Variants in DNAAF9 observed in about 807,000 individuals in gnomAD.
The protein encoded by DNAAF9 is dynein axonemal assembly factor 9.
DNAAF9 carries 90 observed loss-of-function variants against 167.0 expected under a neutral mutation model. The ratio of observed to expected loss-of-function variants is 0.54; its 90% CI spans 0.45 to 0.64. The LOEUF (loss-of-function observed/expected upper bound fraction) is 0.64. Ranked by LOEUF, DNAAF9 falls within the 30% of genes least tolerant of loss-of-function variation. The pLI is 0.00. For missense variants in DNAAF9, 1,315 were observed against 1,442.2 expected (o/e 0.91, Z 1.43); for synonymous variants, 491 against 508.8 (o/e 0.96, Z 0.47).
intron 32 of DNAAF9, 77 bp from the exon 33 acceptor site, chr20:3,259,631 T>C: frequency 9.8e-7 from 1 of 1,022,712 alleles, no homozygotes; most frequent in East Asian, 2.4e-5. Context: ...CTGGGAGTTT[T>C]AGGGACTGGG....
chr20:3,353,879 A>C (rs147763363), intron 7 of DNAAF9, among the ~76,000 whole-genome samples: 2 of 152,212 alleles, frequency 1.3e-5, no homozygotes, highest in East Asian at 3.9e-4. Context: ...TTTGTTACCC[A>C]AAAAACCACC....
chr20:3,287,818 T>C (rs1180747598), intron 26 of DNAAF9, 28 bp from the exon 27 acceptor site: 15 of 1,610,334 alleles, frequency 9.3e-6, no homozygotes, highest in South Asian at 8.8e-5. Flanking sequence ...AACCTCTGCA[T>C]GGGGGCCACC....
chr20:3,361,350 A>C (rs907963566), intron 6 of DNAAF9, among the ~76,000 whole-genome samples: 2 of 151,536 alleles, frequency 1.3e-5, no homozygotes, highest in African/African-American at 4.8e-5. Context: ...TGGAAGGGGC[A>C]TCATTTAAGA....
chr20:3,381,020 T>G (rs2083643077), intron 3 of DNAAF9, among the ~76,000 whole-genome samples: 1 of 152,216 alleles, frequency 6.6e-6, no homozygotes, highest in South Asian at 2.1e-4. Context: ...GGCCCATCCT[T>G]ACCTCACAAC....
chr20:3,373,927 C>G (rs891333103), intron 6 of DNAAF9, 121 bp downstream of exon 6: 2 of 644,102 alleles, frequency 3.1e-6, no homozygotes, highest in Non-Finnish European at 5.6e-6. Context: ...CTAACTTGCT[C>G]CATGCCCTTG....
intron 31 of DNAAF9, among the ~76,000 whole-genome samples, chr20:3,261,683 A>G (rs1045890820): frequency 1.3e-5 from 2 of 151,716 alleles, no homozygotes; most frequent in African/African-American, 4.9e-5. Flanking sequence ...CTTTATTTTA[A>G]AACAGCACTG....
At chr20:3,303,746 G>A (rs6139068) in intron 21 of DNAAF9, among the ~76,000 whole-genome samples, 29,353 of 152,226 alleles carry the variant, frequency 0.19, 3,069 homozygotes, top group African/African-American at 0.24. Context: ...GCAGAGTGGT[G>A]GGCCTGCCCT....
chr20:3,339,298 G>A (rs1423385413), intron 10 of DNAAF9, among the ~76,000 whole-genome samples: 3 of 152,070 alleles, frequency 2.0e-5, no homozygotes, highest in Admixed American at 6.6e-5. Flanking sequence ...TCTGATAGTC[G>A]CACTGTCTCT....
At chr20:3,255,163 G>T (rs2068256037) in intron 35 of DNAAF9, 56 bp downstream of exon 35, 2 of 1,078,886 alleles carry the variant, frequency 1.9e-6, no homozygotes, top group Admixed American at 2.0e-5. Flanking sequence ...ACAGAGCTAG[G>T]CAAGCCGAGG....
chr20:3,296,194 A>T, intron 23 of DNAAF9: 1 of 551,152 alleles, frequency 1.8e-6, no homozygotes. Context: ...ACCTGAGCCT[A>T]GGAGGTCAAG....
At chr20:3,332,620 A>ATTT (rs59726740) in intron 10 of DNAAF9, among the ~76,000 whole-genome samples, 1 of 141,480 alleles carries the variant, frequency 7.1e-6, no homozygotes, top group African/African-American at 2.6e-5. Context: ...CACCCAGCTA[A>ATTT]TTTTTTTTTT....
Position 3,287,676 on chromosome 20 carries a change from T to C in DNAAF9, c.2442A>G (p.Ser814=). ...EAQQNRSARQ[S]AYIRKKTRLL... ...GTCTGGTCTTCTTGCGGATGTAGGC[T>C]GACTGGCGCGCAGAGCGGTTCTGCT... The change falls in exon 27 of 37, where the codon TCA becomes TCG. Residue 814 remains serine, a synonymous_variant. Transcript: ENST00000252032. The C allele has an allele frequency of 6.2e-7, 1 of 1,614,242 alleles. No homozygotes were observed. The highest frequency in any genetic ancestry group is 8.5e-7 in the Non-Finnish European group (1 of 1,180,046).
At chr20:3,392,565 A>T (rs372059632) in intron 1 of DNAAF9, among the ~76,000 whole-genome samples, 15 of 152,212 alleles carry the variant, frequency 9.9e-5, no homozygotes, top group East Asian at 5.8e-4. Flanking sequence ...TTTCCTGACA[A>T]TAAAGCCAGT....
At chr20:3,327,773 C>T (rs1270255230) in intron 12 of DNAAF9, among the ~76,000 whole-genome samples, 2 of 152,196 alleles carry the variant, frequency 1.3e-5, no homozygotes, top group Admixed American at 6.5e-5. Flanking sequence ...TTCCACTGTG[C>T]CACATCACAT....
chr20:3,385,465 T>A (rs1428539274), intron 1 of DNAAF9, among the ~76,000 whole-genome samples: 1 of 152,166 alleles, frequency 6.6e-6, no homozygotes, highest in East Asian at 1.9e-4. Context: ...ATGTCCAGGT[T>A]GGAGTGCAGT....
At chr20:3,389,662 G>T (rs367628023) in intron 1 of DNAAF9, among the ~76,000 whole-genome samples, 9 of 151,872 alleles carry the variant, frequency 5.9e-5, no homozygotes, top group African/African-American at 2.2e-4. Flanking sequence ...AAAAACAACA[G>T]AGAGGGAAAA....
Position 3,270,553 on chromosome 20 carries a change from C to T in DNAAF9, c.2660G>A (p.Ser887Asn). The T allele has an allele frequency of 3.7e-6, 6 of 1,612,258 alleles. No homozygotes were observed. The highest frequency in any genetic ancestry group is 4.2e-6 in the Non-Finnish European group (5 of 1,179,518). ...CLDQCSQGLV[S>N]NVVFTSHTTE... ...GGTGTGACTGGTGAATACCACGTTA[C>T]TCACCAGGCCTGGGAATAAAACCAA... Residue 887 changes from serine (S) to asparagine (N), a missense_variant, in exon 30 of 37, where the codon AGT (serine) becomes AAT (asparagine). Transcript: ENST00000252032.
intron 2 of DNAAF9, 96 bp downstream of exon 2, chr20:3,382,331 G>A (rs2083665611): frequency 2.2e-6 from 2 of 923,420 alleles, no homozygotes; most frequent in East Asian, 2.5e-5. Flanking sequence ...CCAACTCACA[G>A]CTTATTTCAC....
intron 20 of DNAAF9, among the ~76,000 whole-genome samples, chr20:3,308,500 G>A (rs1485229993): frequency 1.3e-5 from 2 of 150,930 alleles, no homozygotes; most frequent in Admixed American, 6.6e-5. Flanking sequence ...GCGCCACCAC[G>A]GTCCAGCTAA....
Sources: allele counts gnomAD v4.1 joint callset (sites outside exome capture counted in the v4.1 genomes callset), GRCh38; gene constraint gnomAD v4.1.1; transcripts MANE v1.5; gene names NCBI Gene and HGNC (gene_info 2026-07-23, HGNC 2026-07-21).